SLA: variants seen among roughly 807,000 people sequenced by gnomAD.
The protein encoded by SLA is Src like adaptor, also known as src-like-adapter.
Under a neutral mutation model 30.3 loss-of-function variants are expected in SLA, and 16 were observed. The observed-to-expected ratio is 0.53, with a 90% CI of 0.36 to 0.80. SLA has a LOEUF of 0.80. Ranked by LOEUF, SLA falls within the 30% of genes least tolerant of loss-of-function variation. The pLI is 0.01. For missense variants in SLA, 310 were observed against 345.2 expected (o/e 0.90, Z 0.81); for synonymous variants, 143 against 137.8 (o/e 1.04, Z -0.26).
intron 1 of SLA, among the ~76,000 whole-genome samples, chr8:133,100,723 G>A (rs923138488): frequency 1.3e-5 from 2 of 152,118 alleles, no homozygotes; most frequent in Admixed American, 6.5e-5. Flanking sequence ...TACCATCAAC[G>A]GTATGCTGGG....
At chr8:133,084,249 C>T (rs1362135347) in intron 1 of SLA, among the ~76,000 whole-genome samples, 1 of 152,186 alleles carries the variant, frequency 6.6e-6, no homozygotes, top group Non-Finnish European at 1.5e-5. Context: ...TCTGTCTAGG[C>T]AGTCCCCACT....
chr8:133,055,085 G>A (rs553212899), intron 3 of SLA, among the ~76,000 whole-genome samples: 2 of 152,170 alleles, frequency 1.3e-5, no homozygotes, highest in African/African-American at 4.8e-5. Flanking sequence ...AAAGCCCAGG[G>A]TCCTTCACGG....
At chr8:133,049,800 G>C in intron 5 of SLA, 102 bp downstream of exon 5, 2 of 842,906 alleles carry the variant, frequency 2.4e-6, no homozygotes, top group Non-Finnish European at 4.1e-6. Flanking sequence ...TCTTGACCCA[G>C]TGCCTTCCTT....
chr8:133,050,350 G>A (rs778305009), intron 4 of SLA: 14 of 293,858 alleles, frequency 4.8e-5, no homozygotes, highest in Non-Finnish European at 7.8e-5. Flanking sequence ...ATCTGAATCA[G>A]TGAAGATCTA....
intron 1 of SLA, chr8:133,096,095 G>C (rs1848368736): frequency 1.5e-6 from 2 of 1,353,328 alleles, no homozygotes; most frequent in Non-Finnish European, 2.1e-6. Context: ...TTTCTCAGTA[G>C]AGTCATAGAT....
intron 3 of SLA, among the ~76,000 whole-genome samples, chr8:133,057,601 A>AAGTC (rs1841682047): frequency 6.6e-6 from 1 of 151,988 alleles, no homozygotes; most frequent in Non-Finnish European, 1.5e-5. Context: ...GACTCACCTA[A>AAGTC]AGTCACACAG....
At chr8:133,078,695 A>C (rs1324040811) in intron 1 of SLA, among the ~76,000 whole-genome samples, 1 of 151,900 alleles carries the variant, frequency 6.6e-6, no homozygotes, top group East Asian at 1.9e-4. Context: ...AAAGCTAAAC[A>C]CTCTTTTTTC....
intron 1 of SLA, among the ~76,000 whole-genome samples, chr8:133,088,911 T>G (rs1016511136): frequency 1.3e-5 from 2 of 152,210 alleles, no homozygotes; most frequent in African/African-American, 4.8e-5. Flanking sequence ...GTAGAAAACA[T>G]GCAAGAGAAT....
At chr8:133,088,283 G>A (rs1846942250) in intron 1 of SLA, among the ~76,000 whole-genome samples, 1 of 151,916 alleles carries the variant, frequency 6.6e-6, no homozygotes, top group South Asian at 2.1e-4. Flanking sequence ...TCCTCCTCTT[G>A]CTGTCCCAGC....
intron 1 of SLA, among the ~76,000 whole-genome samples, chr8:133,094,453 G>A (rs1037730829): frequency 6.6e-6 from 1 of 151,890 alleles, no homozygotes; most frequent in Non-Finnish European, 1.5e-5. Context: ...TGTTAGCCAG[G>A]ATGGTCTCGA....
chr8:133,086,311 C>T (rs1249039039), intron 1 of SLA, among the ~76,000 whole-genome samples: 2 of 152,124 alleles, frequency 1.3e-5, no homozygotes, highest in Non-Finnish European at 2.9e-5. Context: ...GTGACTATAA[C>T]TAAAAACCAT....
intron 1 of SLA, among the ~76,000 whole-genome samples, chr8:133,093,273 A>G (rs1847874972): frequency 6.6e-6 from 1 of 152,190 alleles, no homozygotes; most frequent in African/African-American, 2.4e-5. Context: ...TCCTTGGGTC[A>G]TTGAATTCCA....
intron 2 of SLA, among the ~76,000 whole-genome samples, chr8:133,061,818 T>G (rs1468150270): frequency 6.6e-6 from 1 of 152,148 alleles, no homozygotes; most frequent in Non-Finnish European, 1.5e-5. Context: ...AGAAGTACAC[T>G]CTCAGAGCAA....
At chr8:133,082,616 C>T (rs576954572) in intron 1 of SLA, among the ~76,000 whole-genome samples, 17 of 152,318 alleles carry the variant, frequency 1.1e-4, no homozygotes, top group Admixed American at 2.0e-4. Context: ...AGCTTCCCCA[C>T]GTCACCGGAG....
intron 1 of SLA, among the ~76,000 whole-genome samples, chr8:133,097,837 A>C (rs900619817): frequency 6.6e-6 from 1 of 152,194 alleles, no homozygotes; most frequent in South Asian, 2.1e-4. Flanking sequence ...GTAGAGAGAG[A>C]GAAAGAAGCA....
At chr8:133,089,029 C>T (rs1450032484) in intron 1 of SLA, among the ~76,000 whole-genome samples, 2 of 152,234 alleles carry the variant, frequency 1.3e-5, no homozygotes, top group African/African-American at 4.8e-5. Context: ...ATTCAGCTGG[C>T]CCACGACACC....
At chr8:133,075,825 G>C (rs748344601) in intron 1 of SLA, among the ~76,000 whole-genome samples, 5 of 152,028 alleles carry the variant, frequency 3.3e-5, no homozygotes, top group African/African-American at 1.2e-4. Flanking sequence ...GAAGGCAAAC[G>C]GGACAAAATG....
At chr8:133,060,461 C>A in intron 2 of SLA, 6 of 1,142,336 alleles carry the variant, frequency 5.3e-6, no homozygotes, top group African/African-American at 1.6e-5. Flanking sequence ...TCCATTCCTC[C>A]GCACCCTTGC....
intron 1 of SLA, among the ~76,000 whole-genome samples, chr8:133,081,688 A>C (rs1845775337): frequency 6.6e-6 from 1 of 151,978 alleles, no homozygotes; most frequent in Non-Finnish European, 1.5e-5. Context: ...GTCATTGCTC[A>C]ACCTAGACCC....
Sources: gnomAD v4.1 joint callset for allele counts (sites outside exome capture counted in the v4.1 genomes callset) on GRCh38, gnomAD v4.1.1 for gene constraint, MANE v1.5 for transcripts, NCBI Gene and HGNC (gene_info 2026-07-23, HGNC 2026-07-21) for gene names.